The following ENTHD1 variants were observed in gnomAD, a reference collection of about 807,000 sequenced individuals.
ENTHD1 encodes the protein ENTH domain containing 1, also known as ENTH domain-containing protein 1.
ENTHD1 carries 23 observed loss-of-function variants against 39.1 expected under a neutral mutation model. The observed-to-expected ratio is 0.59, with a 90% CI of 0.42 to 0.83. ENTHD1 has a LOEUF of 0.83. Ranked by LOEUF, ENTHD1 falls within the 40% of genes least tolerant of loss-of-function variation. The pLI, the probability that ENTHD1 is intolerant of heterozygous loss-of-function variation, is 0.00. For missense variants in ENTHD1, 624 were observed against 705.4 expected (o/e 0.88, Z 1.31); for synonymous variants, 230 against 258.2 (o/e 0.89, Z 1.05).
intron 5 of ENTHD1, among the ~76,000 whole-genome samples, chr22:39,772,558 C>T (rs2065335483): frequency 6.6e-6 from 1 of 152,050 alleles, no homozygotes; most frequent in African/African-American, 2.4e-5. Flanking sequence ...ATTGACTTAG[C>T]TCAAAAGAAG....
rs996223295 is a variant in ENTHD1, at chr22:39,868,403, T to C, written c.350-6396A>G. Among the ~76,000 whole-genome samples the C allele has an allele frequency of 2.2e-5, 3 of 135,118 alleles. No individual in the cohort carries two copies. In the South Asian group the frequency reaches 7.1e-4, roughly 32 times the overall value. 88.6% of individuals were successfully genotyped at this position (135,118 alleles called of 152,430 possible). A position where few individuals can be genotyped will look rare whatever the true frequency, so the allele number is the denominator to read the frequency against. ...GAACATGAGTGGTTGTGGGAAAAAA[T>C]CTCCCACTCAAAATAGCCTAAACAC... is the stretch of plus-strand genomic sequence containing the variant. On this transcript the variant is annotated intron_variant, in intron 2 of 6. Transcript: ENST00000325157.
intron 6 of ENTHD1, among the ~76,000 whole-genome samples, chr22:39,755,879 T>G (rs1456386101): frequency 6.6e-6 from 1 of 152,178 alleles, no homozygotes; most frequent in East Asian, 1.9e-4. Flanking sequence ...GTTCTATAGA[T>G]GAAGATACTG....
At position 39,756,314 on chromosome 22, in the gene ENTHD1, T is replaced by A. The variant is rs200708907; in HGVS notation, c.1219+8909A>T. Among the ~76,000 whole-genome samples the A allele has an allele frequency of 2.4e-3, 351 of 144,252 alleles. 1 individual carries two copies. Among genetic ancestry groups the A allele is most frequent in the African/African-American group, 4.1e-3 (152 of 36,930 alleles). 94.6% of individuals were successfully genotyped at this position (144,252 alleles called of 152,430 possible). On this transcript the variant is annotated intron_variant, in intron 6 of 6. Transcript: ENST00000325157. ...CTCTCTCTCTCTCTCTCTCTCTCTC[T>A]CTCACACACACACACACACACACAC...
intron 1 of ENTHD1, 21 bp from the exon 2 acceptor site, chr22:39,887,924 A>T (rs2066394696): frequency 1.9e-6 from 1 of 530,652 alleles, no homozygotes; most frequent in Non-Finnish European, 3.2e-6. Context: ...AGCACAAAAA[A>T]ATTTACATTA....
At chr22:39,870,421 T>C (rs2066232637) in intron 2 of ENTHD1, among the ~76,000 whole-genome samples, 1 of 152,048 alleles carries the variant, frequency 6.6e-6, no homozygotes, top group Non-Finnish European at 1.5e-5. Context: ...AATATTCGTC[T>C]AGAGGAAGTT....
At chr22:39,888,552 T>C (rs576275016) in intron 1 of ENTHD1, among the ~76,000 whole-genome samples, 24 of 151,978 alleles carry the variant, frequency 1.6e-4, no homozygotes, top group Non-Finnish European at 3.2e-4. Context: ...CTCAGCCTCC[T>C]GAGTAGCTGG....
At chr22:39,789,419 G>A (rs1234551042) in intron 5 of ENTHD1, among the ~76,000 whole-genome samples, 2 of 151,906 alleles carry the variant, frequency 1.3e-5, no homozygotes, top group African/African-American at 2.4e-5. Flanking sequence ...TTCAACTGAA[G>A]CTGCCCTCTG....
chr22:39,778,865 T>C lies in ENTHD1; in HGVS notation c.833-13256A>G, dbSNP rs73888170. The stretch of plus-strand genomic sequence containing the variant: ...AACAAATATTTTTGAGGACAGACCA[T>C]GTACTACAAACGTGCCCAAGAATAC... On this transcript the variant is annotated intron_variant, in intron 5 of 6. Transcript: ENST00000325157. 7.4e-3 allele frequency among the ~76,000 whole-genome samples: 1,130 copies of C among 152,308 alleles called. 16 individuals are homozygous for C. Among genetic ancestry groups the C allele is most frequent in the African/African-American group, 0.026 (1,083 of 41,548 alleles).
At chr22:39,793,345 T>G (rs973665821) in intron 5 of ENTHD1, among the ~76,000 whole-genome samples, 1 of 151,858 alleles carries the variant, frequency 6.6e-6, no homozygotes, top group South Asian at 2.1e-4. Flanking sequence ...TTAGTTGTTT[T>G]TTTTTTTTTT....
intron 3 of ENTHD1, among the ~76,000 whole-genome samples, chr22:39,845,681 A>G (rs2065981236): frequency 1.3e-5 from 2 of 152,234 alleles, no homozygotes; most frequent in South Asian, 4.1e-4. Context: ...TCACTACATA[A>G]TACAAAGCTA....
At chr22:39,808,196 AC>A (rs138119356) in intron 5 of ENTHD1, among the ~76,000 whole-genome samples, 9,288 of 152,120 alleles carry the variant, frequency 0.061, 387 homozygotes, top group South Asian at 0.12. Flanking sequence ...TACTATCATC[AC>A]CCATCCCTCT....
intron 1 of ENTHD1, among the ~76,000 whole-genome samples, chr22:39,891,747 T>C (rs2066428844): frequency 6.6e-6 from 1 of 152,060 alleles, no homozygotes; most frequent in Non-Finnish European, 1.5e-5. Flanking sequence ...GCCTCCCAAG[T>C]AGCTGGGACT....
At chr22:39,817,168 A>G (rs1178034711) in intron 5 of ENTHD1, among the ~76,000 whole-genome samples, 1 of 152,200 alleles carries the variant, frequency 6.6e-6, no homozygotes, top group African/African-American at 2.4e-5. Flanking sequence ...CAGGCTGTGA[A>G]TTGATACTGA....
chr22:39,839,879 G>C (rs1001511105), intron 3 of ENTHD1, among the ~76,000 whole-genome samples: 2 of 152,178 alleles, frequency 1.3e-5, no homozygotes, highest in African/African-American at 4.8e-5. Context: ...AAAATATCTT[G>C]CATGTTGGAG....
intron 5 of ENTHD1, among the ~76,000 whole-genome samples, chr22:39,767,798 A>G (rs1231348427): frequency 6.6e-6 from 1 of 152,212 alleles, no homozygotes; most frequent in Non-Finnish European, 1.5e-5. Flanking sequence ...AGTTGTCTGT[A>G]TGGCTGCCAT....
intron 3 of ENTHD1, among the ~76,000 whole-genome samples, chr22:39,844,430 A>C (rs2065970943): frequency 6.6e-6 from 1 of 152,142 alleles, no homozygotes; most frequent in South Asian, 2.1e-4. Flanking sequence ...ACCAAGTTAG[A>C]AGCTCAGCTC....
intron 3 of ENTHD1, among the ~76,000 whole-genome samples, chr22:39,850,913 A>G (rs1375759051): frequency 1.3e-5 from 2 of 152,210 alleles, no homozygotes; most frequent in African/African-American, 2.4e-5. Context: ...ATACGTATCT[A>G]TATTTATGTG....
At chr22:39,775,040 C>T (rs542702564) in intron 5 of ENTHD1, among the ~76,000 whole-genome samples, 2 of 152,280 alleles carry the variant, frequency 1.3e-5, no homozygotes, top group South Asian at 4.1e-4. Flanking sequence ...AATATTTTAT[C>T]CTTCACGTTA....
chr22:39,877,354 A>C (rs1374852499), intron 2 of ENTHD1, among the ~76,000 whole-genome samples: 1 of 152,204 alleles, frequency 6.6e-6, no homozygotes, highest in East Asian at 1.9e-4. Flanking sequence ...CCAAAATGTA[A>C]AAAGTTGGAG....
Sources: gnomAD v4.1 joint callset for allele counts (sites outside exome capture counted in the v4.1 genomes callset) on GRCh38, gnomAD v4.1.1 for gene constraint, MANE v1.5 for transcripts, NCBI Gene and HGNC (gene_info 2026-07-23, HGNC 2026-07-21) for gene names.